SLCO6A1: variants seen among roughly 807,000 people sequenced by gnomAD.
SLCO6A1 encodes the protein solute carrier organic anion transporter family member 6A1.
In SLCO6A1, 65 loss-of-function variants were observed where a neutral mutation model predicts 72.7. That is an observed-to-expected ratio of 0.89 (90% CI 0.73 to 1.10). The LOEUF is 1.10. SLCO6A1 is among the 50% of genes least tolerant of loss of function. The pLI is 0.00. For missense variants in SLCO6A1, 874 were observed against 872.6 expected, an observed-to-expected ratio of 1.00 and a Z score of -0.02; for synonymous variants, 314 against 298.2, an observed-to-expected ratio of 1.05 and a Z score of -0.55.
Position 102,455,681 on chromosome 5 carries a change from T to C in SLCO6A1, c.1131+2701A>G, listed in dbSNP as rs1750671595. ...TCCCATTAAATGCCTTATTTACTTC[T>C]GCAGAGAAAAAATTAACACGAAATA... On this transcript the variant is annotated intron_variant, in intron 6 of 13. Transcript: ENST00000506729. Among the ~76,000 whole-genome samples, 6 of 152,282 alleles carry C rather than the reference T, an allele frequency of 3.9e-5. No individual in the cohort carries two copies. The South Asian group carries it at 1.2e-3, about 32-fold the overall frequency.
chr5:102,373,456 T>C lies in SLCO6A1; in HGVS notation c.2056A>G (p.Ile686Val). ...CGACGTTTGTATATGAAAAATGCAA[T>C]AGTAGTGAAGATGATAGTGCATAGT... ...CKLCTIIFTT[I>V]AFFIYKRRLN... is the part of the protein sequence containing the mutation. The change falls in exon 13 of 14, where the codon ATT (isoleucine) becomes GTT (valine). Residue 686 changes from isoleucine to valine, a missense_variant. Coordinates refer to ENST00000506729, the MANE Select transcript of SLCO6A1 (RefSeq NM_173488.5). 1.9e-6 allele frequency: 3 copies of C among 1,569,082 alleles called. No homozygotes were observed. Among genetic ancestry groups the C allele is most frequent in the Non-Finnish European group, 8.6e-7 (1 of 1,159,584 alleles).
chr5:102,444,525 T>A (rs993189081), intron 6 of SLCO6A1, among the ~76,000 whole-genome samples: 1 of 152,212 alleles, frequency 6.6e-6, no homozygotes, highest in Non-Finnish European at 1.5e-5. Flanking sequence ...TAATTAGCCA[T>A]AGAAAATAAG....
intron 8 of SLCO6A1, among the ~76,000 whole-genome samples, chr5:102,417,446 A>G (rs969866699): frequency 6.6e-6 from 1 of 151,772 alleles, no homozygotes; most frequent in Admixed American, 6.6e-5. Context: ...TTTGGGATTA[A>G]ATATCTATTT....
At chr5:102,452,481 A>T (rs1045482914) in intron 6 of SLCO6A1, among the ~76,000 whole-genome samples, 2 of 152,050 alleles carry the variant, frequency 1.3e-5, no homozygotes, top group African/African-American at 4.8e-5. Flanking sequence ...CTACTTTTAC[A>T]TTTATAACTT....
chr5:102,448,441 AG>A, intron 6 of SLCO6A1, among the ~76,000 whole-genome samples: 1 of 149,818 alleles, frequency 6.7e-6, no homozygotes. Context: ...ATTCTGCCTC[AG>A]TGATCTGTCC....
In SLCO6A1 at chr5:102,498,868, C is replaced by G. The variant is rs772282896; in HGVS notation, c.-24G>C. On this transcript the variant is annotated 5_prime_UTR_variant, in exon 1 of 14. Coordinates refer to ENST00000506729, the MANE Select transcript of SLCO6A1 (RefSeq NM_173488.5). ...ATGGCTCACCCTGGGCGGCTCCTGG[C>G]GACGCGGCCCGAGTGCTCTCGGCTG... 6.3e-7 allele frequency: 1 copy of G among 1,577,312 alleles called. No individual in the cohort carries two copies. Among genetic ancestry groups the G allele is most frequent in the Non-Finnish European group, 8.6e-7 (1 of 1,163,910 alleles).
intron 7 of SLCO6A1, among the ~76,000 whole-genome samples, chr5:102,435,746 A>G (rs1404567128): frequency 2.0e-5 from 3 of 152,016 alleles, no homozygotes; most frequent in African/African-American, 7.2e-5. Context: ...GTGGTGGTGC[A>G]TGCCTATAAT....
intron 7 of SLCO6A1, among the ~76,000 whole-genome samples, chr5:102,425,113 C>T (rs1748818752): frequency 6.6e-6 from 1 of 152,072 alleles, no homozygotes; most frequent in African/African-American, 2.4e-5. Flanking sequence ...ATTGATGGAG[C>T]ATATATCAAA....
At chr5:102,458,246 T>C (rs1580463435) in intron 6 of SLCO6A1, 136 bp downstream of exon 6, 2 of 602,058 alleles carry the variant, frequency 3.3e-6, no homozygotes. Flanking sequence ...AAACTTAAAG[T>C]ATAATAATAA....
At chr5:102,478,265 AAT>A (rs1400536496) in intron 2 of SLCO6A1, among the ~76,000 whole-genome samples, 8 of 143,384 alleles carry the variant, frequency 5.6e-5, no homozygotes, top group Non-Finnish European at 1.3e-4. Flanking sequence ...TGTGTGCATA[AAT>A]ATGTTTGTAT....
intron 10 of SLCO6A1, among the ~76,000 whole-genome samples, chr5:102,391,826 A>T (rs1196213474): frequency 6.8e-6 from 1 of 147,116 alleles, no homozygotes; most frequent in African/African-American, 2.5e-5. Flanking sequence ...TTTAAAAGCT[A>T]AAATAAATGA....
In SLCO6A1 at chr5:102,404,421, G is replaced by A. The variant is rs1298683958; in HGVS notation, c.1627-4679C>T. 3.8e-4 allele frequency among the ~76,000 whole-genome samples: 58 copies of A among 152,224 alleles called. 1 individual carries two copies. Among genetic ancestry groups the A allele is most frequent in the Non-Finnish European group, 1.5e-5 (1 of 68,020 alleles). On this transcript the variant is annotated intron_variant, in intron 9 of 13. Transcript: ENST00000506729. ...GAGGCAGGAGAATGCCGTGAACCGGGGAGGCGGAGCTTGCAGTGAGCCAAG... is the reference window on the plus strand; with the variant it reads ...GAGGCAGGAGAATGCCGTGAACCGGAGAGGCGGAGCTTGCAGTGAGCCAAG...
intron 4 of SLCO6A1, among the ~76,000 whole-genome samples, chr5:102,468,856 C>G (rs1751446035): frequency 6.6e-6 from 1 of 152,114 alleles, no homozygotes; most frequent in Non-Finnish European, 1.5e-5. Context: ...AGGAAAGGAT[C>G]CAGTTTCAGC....
chr5:102,404,430 G>C (rs982416140), intron 9 of SLCO6A1, among the ~76,000 whole-genome samples: 1 of 152,148 alleles, frequency 6.6e-6, no homozygotes, highest in East Asian at 1.9e-4. Context: ...GGGAGGCGGA[G>C]CTTGCAGTGA....
chr5:102,399,074 C>G (rs567915306), intron 10 of SLCO6A1, among the ~76,000 whole-genome samples: 1 of 151,334 alleles, frequency 6.6e-6, no homozygotes, highest in African/African-American at 2.4e-5. Context: ...TTAGGAAGAA[C>G]GCATAAATAA....
chr5:102,414,583 C>T (rs533677954), intron 8 of SLCO6A1, among the ~76,000 whole-genome samples: 1 of 152,048 alleles, frequency 6.6e-6, no homozygotes, highest in African/African-American at 2.4e-5. Context: ...TTTTTATACA[C>T]CAATAAAAAT....
intron 1 of SLCO6A1, among the ~76,000 whole-genome samples, chr5:102,494,500 T>C (rs1176017379): frequency 6.6e-6 from 1 of 152,256 alleles, no homozygotes; most frequent in East Asian, 1.9e-4. Context: ...AAGCCACGGA[T>C]TGGGAGAAAA....
At chr5:102,394,016 A>G (rs1035799447) in intron 10 of SLCO6A1, among the ~76,000 whole-genome samples, 2 of 152,112 alleles carry the variant, frequency 1.3e-5, no homozygotes, top group Non-Finnish European at 2.9e-5. Flanking sequence ...GTGACCCCCA[A>G]CCTGGGCCTA....
At chr5:102,453,269 C>A (rs560959778) in intron 6 of SLCO6A1, among the ~76,000 whole-genome samples, 2 of 151,146 alleles carry the variant, frequency 1.3e-5, no homozygotes, top group South Asian at 2.1e-4. Flanking sequence ...CTGAGGGAGA[C>A]TGAGGCTGCA....
Sources: gnomAD v4.1 joint callset for allele counts (sites outside exome capture counted in the v4.1 genomes callset) on GRCh38, gnomAD v4.1.1 for gene constraint, MANE v1.5 for transcripts, NCBI Gene and HGNC (gene_info 2026-07-23, HGNC 2026-07-21) for gene names.